Variants in NAA60 observed in about 807,000 individuals in gnomAD.
The protein encoded by NAA60 is N-alpha-acetyltransferase 60.
In NAA60, 8 loss-of-function variants were observed where a neutral mutation model predicts 26.1. The observed-to-expected ratio is 0.31, with a 90% CI of 0.18 to 0.55. NAA60 has a LOEUF of 0.55. NAA60 is among the 20% of genes least tolerant of loss of function. The pLI is 0.93. For synonymous variants in NAA60, 131 were observed against 122.5 expected, an observed-to-expected ratio of 1.07 and a Z score of -0.46; for missense variants, 290 against 311.3, an observed-to-expected ratio of 0.93 and a Z score of 0.51.
intron 3 of NAA60, among the ~76,000 whole-genome samples, chr16:3,477,957 CG>C (rs1208397557): frequency 2.6e-5 from 4 of 152,000 alleles, no homozygotes; most frequent in African/African-American, 9.7e-5. Flanking sequence ...CCCAGCTACT[CG>C]GGAGGCTGAG....
intron 2 of NAA60, among the ~76,000 whole-genome samples, chr16:3,459,347 GGA>G (rs2150961407): frequency 6.6e-6 from 1 of 152,340 alleles, no homozygotes; most frequent in Non-Finnish European, 1.5e-5. Context: ...TCACAGGCAG[GGA>G]GAGGGGGAGT....
intron 2 of NAA60, among the ~76,000 whole-genome samples, chr16:3,465,734 T>G (rs2150977987): frequency 6.6e-6 from 1 of 152,236 alleles, no homozygotes; most frequent in African/African-American, 2.4e-5. Flanking sequence ...TGCCGTGAGA[T>G]TCCTCTAGCA....
At chr16:3,485,317 C>T (rs1388350101) in intron 7 of NAA60, 150 bp from the exon 8 acceptor site, 15 of 513,184 alleles carry the variant, frequency 2.9e-5, no homozygotes, top group Non-Finnish European at 4.9e-5. Context: ...CGAGAGGCGC[C>T]TAGTGGCTGC....
At position 3,450,276 on chromosome 16, in the gene NAA60, C is replaced by T. The variant is rs934220818; in HGVS notation, c.-7+1736C>T. 6 of 293,884 alleles carry T rather than the reference C, an allele frequency of 2.0e-5. No homozygotes were observed. In the South Asian group the frequency reaches 9.8e-4, roughly 48 times the overall value. The allele number at this position is 293,884 out of a possible 1,614,324, so 18.2% of individuals were successfully genotyped here. ...CTCAGGCAGAGCAGAGGCTGGTCAG[C>T]AAGCCACAGGGCTTGCCATGAAGTG... On this transcript the variant is annotated intron_variant, in intron 2 of 7. Coordinates refer to ENST00000407558, the MANE Select transcript of NAA60 (RefSeq NM_001083601.3).
intron 2 of NAA60, chr16:3,458,097 G>C (rs1268821189): frequency 1.0e-6 from 1 of 985,184 alleles, no homozygotes; most frequent in African/African-American, 1.7e-5. Context: ...TGCGGGCTCC[G>C]CGCGGTCCCA....
chr16:3,443,722 T>C lies in NAA60; in HGVS notation c.-192T>C, dbSNP rs997164228. 2 of 1,477,152 alleles carry C rather than the reference T, an allele frequency of 1.4e-6. No individual in the cohort carries two copies. Among genetic ancestry groups the C allele is most frequent in the Non-Finnish European group, 1.8e-6 (2 of 1,116,428 alleles). 91.5% of individuals were successfully genotyped at this position (1,477,152 alleles called of 1,614,324 possible). On this transcript the variant is annotated 5_prime_UTR_variant, in exon 1 of 8. Coordinates refer to ENST00000407558, the MANE Select transcript of NAA60 (RefSeq NM_001083601.3). ...GTCTCCTCCGTGAGCTCCGGGCCTG[T>C]TTGCCTGCTGAAGTAGAGTCTTAGG...
At position 3,444,470 on chromosome 16, in the gene NAA60, A is replaced by G. The variant is rs372949029; in HGVS notation, c.-77+633A>G. The stretch of plus-strand genomic sequence containing the variant: ...TTGGGGAAAAAAAAAGACGAAAATG[A>G]TAGGTACCTTGATAGAAAAGCCTGA... On this transcript the variant is annotated intron_variant, in intron 1 of 7. Coordinates refer to ENST00000407558, the MANE Select transcript of NAA60 (RefSeq NM_001083601.3). 1.5e-4 allele frequency among the ~76,000 whole-genome samples: 23 copies of G among 152,338 alleles called. No homozygotes were observed. The East Asian group carries it at 3.9e-3, about 26-fold the overall frequency.
At chr16:3,465,373 T>TA (rs2035685106) in intron 2 of NAA60, among the ~76,000 whole-genome samples, 1 of 134,532 alleles carries the variant, frequency 7.4e-6, no homozygotes, top group Non-Finnish European at 1.7e-5. Flanking sequence ...GGTTTAGCGT[T>TA]CTGTCCTTCT....
chr16:3,453,432 A>G (rs973726459), intron 2 of NAA60, among the ~76,000 whole-genome samples: 2 of 151,822 alleles, frequency 1.3e-5, no homozygotes, highest in Non-Finnish European at 2.9e-5. Context: ...TTTTTTTGAG[A>G]CAGAGTTTCG....
intron 4 of NAA60, 114 bp from the exon 5 acceptor site, chr16:3,482,388 C>A: frequency 1.2e-6 from 1 of 813,674 alleles, no homozygotes; most frequent in Non-Finnish European, 2.0e-6. Flanking sequence ...CCCTCCCAGT[C>A]GGTGTCCCTC....
intron 2 of NAA60, chr16:3,448,793 A>C: frequency 2.7e-6 from 1 of 369,894 alleles, no homozygotes; most frequent in South Asian, 3.3e-5. Flanking sequence ...AAAGAAGTAA[A>C]CAAGATTTGG....
intron 3 of NAA60, among the ~76,000 whole-genome samples, chr16:3,477,566 CA>C (rs1472582268): frequency 3.3e-5 from 5 of 151,070 alleles, no homozygotes; most frequent in East Asian, 2.0e-4. Flanking sequence ...TTTGGGAGGC[CA>C]AGGTGGGTGG....
chr16:3,469,855 C>T (rs1209351806), intron 2 of NAA60, among the ~76,000 whole-genome samples: 1 of 152,238 alleles, frequency 6.6e-6, no homozygotes, highest in East Asian at 1.9e-4. Context: ...AGCCATCCAG[C>T]CAAGAGCCAG....
intron 1 of NAA60, chr16:3,447,420 G>A (rs2034600160): frequency 1.0e-6 from 1 of 972,906 alleles, no homozygotes; most frequent in South Asian, 4.8e-5. Flanking sequence ...CTTCCCTGGC[G>A]ATGTTTAACA....
At position 3,485,542 on chromosome 16, in the gene NAA60, C is replaced by G. The variant is rs1180508564; in HGVS notation, c.*282C>G. On this transcript the variant is annotated 3_prime_UTR_variant, in exon 8 of 8. Transcript: ENST00000407558. The stretch of plus-strand genomic sequence containing the variant: ...CCCTGCCCCCCTGCGCATGCACCGT[C>G]CCCAGGGCTGACCCAGTGTGGCTGC... 3.7e-5 allele frequency: 17 copies of G among 454,858 alleles called. No individual in the cohort carries two copies. The highest frequency in any genetic ancestry group is 9.4e-5 in the Admixed American group (4 of 42,466). 28.2% of individuals were successfully genotyped at this position (454,858 alleles called of 1,614,324 possible). A position where few individuals can be genotyped will look rare whatever the true frequency, so the allele number is the denominator to read the frequency against.
At chr16:3,449,290 A>T (rs1198690286) in intron 2 of NAA60, among the ~76,000 whole-genome samples, 1 of 152,152 alleles carries the variant, frequency 6.6e-6, no homozygotes, top group Non-Finnish European at 1.5e-5. Context: ...AGGCCAAGGC[A>T]GGTGGATCAT....
In NAA60 at chr16:3,485,200, C is replaced by T. The variant is rs372939961; in HGVS notation, c.*206+139C>T. On this transcript the variant is annotated intron_variant, in intron 7 of 7. Coordinates refer to ENST00000407558, the MANE Select transcript of NAA60 (RefSeq NM_001083601.3). ...GAGTCCACCACCTTATGCACCAGCA[C>T]AGCCCAGAGGTTTGGTGACTTGTGC... 53 of 704,218 alleles carry T rather than the reference C, an allele frequency of 7.5e-5. 2 individuals are homozygous for T. In the East Asian group the frequency reaches 9.3e-4, roughly 12 times the overall value. The allele number at this position is 704,218 out of a possible 1,614,324, so 43.6% of individuals were successfully genotyped here. A position where few individuals can be genotyped will look rare whatever the true frequency, so the allele number is the denominator to read the frequency against.
rs553517835 is a variant in NAA60 at position 3,463,893 on chromosome 16, C to CT, written c.-6-12323dup. On this transcript the variant is annotated intron_variant, in intron 2 of 7. Coordinates refer to ENST00000407558, the MANE Select transcript of NAA60 (RefSeq NM_001083601.3). ...GTCATTTTGACATACAACATCTTCACTTTTTTCTGACAATGAAAACAACCC... is the reference window on the plus strand; with the variant it reads ...GTCATTTTGACATACAACATCTTCACTTTTTTTCTGACAATGAAAACAACCC... Among the ~76,000 whole-genome samples the CT allele has an allele frequency of 3.5e-4, 53 of 152,250 alleles. 2 individuals carry two copies. In the South Asian group the frequency reaches 0.011, roughly 30 times the overall value.
chr16:3,445,472 G>A (rs560188973), intron 1 of NAA60, among the ~76,000 whole-genome samples: 3 of 151,506 alleles, frequency 2.0e-5, no homozygotes, highest in South Asian at 4.2e-4. Flanking sequence ...GTAGAGATGG[G>A]GTTTCATCAT....
Sources: allele counts gnomAD v4.1 joint callset (sites outside exome capture counted in the v4.1 genomes callset), GRCh38; gene constraint gnomAD v4.1.1; transcripts MANE v1.5; gene names NCBI Gene and HGNC (gene_info 2026-07-23, HGNC 2026-07-21).